DISC1: variants seen among roughly 807,000 people sequenced by gnomAD.
The protein encoded by DISC1 is disrupted in schizophrenia 1 protein.
Under a neutral mutation model 84.5 loss-of-function variants are expected in DISC1, and 57 were observed. The ratio of observed to expected loss-of-function variants is 0.67; its 90% CI spans 0.55 to 0.84. DISC1 has a LOEUF of 0.84. Ranked by LOEUF, DISC1 falls within the 40% of genes least tolerant of loss-of-function variation. DISC1 has a pLI of 0.00. For missense variants in DISC1, 1,000 were observed against 1,057.8 expected, an observed-to-expected ratio of 0.95 and a Z score of 0.76; for synonymous variants, 411 against 415.2, an observed-to-expected ratio of 0.99 and a Z score of 0.12.
intron 4 of DISC1, among the ~76,000 whole-genome samples, chr1:231,764,093 T>C (rs2075985369): frequency 6.6e-6 from 1 of 152,212 alleles, no homozygotes; most frequent in Non-Finnish European, 1.5e-5. Flanking sequence ...GCAGACAAGA[T>C]CTAGCTGTGT....
rs5781677 is a variant in DISC1, at chr1:231,906,019, C to CTTTTT, written c.1982-52792_1982-52788dup. Among the ~76,000 whole-genome samples, 6 of 76,970 alleles carry CTTTTT rather than the reference C, an allele frequency of 7.8e-5. 1 individual carries two copies. Among genetic ancestry groups the CTTTTT allele is most frequent in the Admixed American group, 1.7e-4 (1 of 5,724 alleles). The allele number at this position is 76,970 out of a possible 152,430, so 50.5% of individuals were successfully genotyped here. On this transcript the variant is annotated intron_variant, in intron 9 of 12. Transcript: ENST00000439617. ...TAAAATGAATTCGCTGAGGTCATGG[C>CTTTTT]TTTTTTTTTTTTTTTTTTTTTGAGA...
chr1:231,725,239 T>C (rs2070460420), intron 3 of DISC1, among the ~76,000 whole-genome samples: 1 of 152,186 alleles, frequency 6.6e-6, no homozygotes, highest in African/African-American at 2.4e-5. Flanking sequence ...CATCCTGGAA[T>C]AATGGTGGTG....
At chr1:232,005,046 T>C (rs1167162403) in intron 10 of DISC1, among the ~76,000 whole-genome samples, 1 of 108,410 alleles carries the variant, frequency 9.2e-6, no homozygotes, top group African/African-American at 3.7e-5. Flanking sequence ...CCCTCCATCC[T>C]TCCTTCCTTC....
chr1:231,932,847 A>G (rs200655133), intron 9 of DISC1, among the ~76,000 whole-genome samples: 2 of 152,126 alleles, frequency 1.3e-5, no homozygotes, highest in East Asian at 3.9e-4. Flanking sequence ...AAAATTCAAA[A>G]TTTTTGGTCT....
chr1:231,903,967 G>A (rs1006583066), intron 9 of DISC1, among the ~76,000 whole-genome samples: 8 of 152,224 alleles, frequency 5.3e-5, no homozygotes, highest in Non-Finnish European at 2.9e-5. Context: ...AACTGCAAAA[G>A]CAGTTACTGC....
Position 231,954,765 on chromosome 1 carries a change from G to A in DISC1, c.1982-4063G>A, listed in dbSNP as rs945444145. Among the ~76,000 whole-genome samples the A allele has an allele frequency of 6.6e-6, 1 of 152,238 alleles. No individual in the cohort carries two copies. Among genetic ancestry groups the A allele is most frequent in the African/African-American group, 2.4e-5 (1 of 41,468 alleles). ...CCGTCAGCGTGTCTGTGGCTGTATT[G>A]ATTCGGAAGTTTAAAATCTAAACTC... On this transcript the variant is annotated intron_variant, in intron 9 of 12. Transcript: ENST00000439617. This position sits in a 1 kb window ranked among gnomAD's most constrained non-coding sequence, Gnocchi z 4.8.
intron 6 of DISC1, among the ~76,000 whole-genome samples, chr1:231,788,515 A>G (rs4385690): frequency 0.8 from 121,402 of 152,070 alleles, 48,905 homozygotes; most frequent in African/African-American, 0.9. Flanking sequence ...CATTTGCAAC[A>G]ACCCTATTTC....
chr1:231,773,654 G>T (rs2076733124), intron 6 of DISC1, among the ~76,000 whole-genome samples: 1 of 152,178 alleles, frequency 6.6e-6, no homozygotes, highest in African/African-American at 2.4e-5. Flanking sequence ...AAAGTGCTGA[G>T]ATTACAGGCG....
At chr1:231,716,435 A>AT (rs942560800) in intron 3 of DISC1, among the ~76,000 whole-genome samples, 7 of 151,748 alleles carry the variant, frequency 4.6e-5, no homozygotes, top group East Asian at 1.9e-4. Context: ...ATGGCAAACT[A>AT]TTTTTTTTAT....
At chr1:231,970,734 T>G (rs764067507) in intron 10 of DISC1, among the ~76,000 whole-genome samples, 1 of 152,242 alleles carries the variant, frequency 6.6e-6, no homozygotes, top group Admixed American at 6.5e-5. Flanking sequence ...CAGGTTCCAC[T>G]GTGGTTTGCG....
At chr1:231,785,985 T>C (rs1298301531) in intron 6 of DISC1, among the ~76,000 whole-genome samples, 3 of 152,206 alleles carry the variant, frequency 2.0e-5, no homozygotes, top group Non-Finnish European at 4.4e-5. Context: ...CTATTTTATA[T>C]TTCTAATATC....
At chr1:231,920,916 T>C (rs2089957720) in intron 9 of DISC1, among the ~76,000 whole-genome samples, 1 of 150,060 alleles carries the variant, frequency 6.7e-6, no homozygotes. Flanking sequence ...TTTTTTTTTT[T>C]TTTTTTTTGA....
chr1:231,803,128 A>G (rs2079407633), intron 8 of DISC1, among the ~76,000 whole-genome samples: 1 of 152,152 alleles, frequency 6.6e-6, no homozygotes, highest in Non-Finnish European at 1.5e-5. Flanking sequence ...GGGTGGCTCA[A>G]CTGGGGTGGG....
At chr1:231,790,529 T>C (rs978512031) in intron 6 of DISC1, among the ~76,000 whole-genome samples, 1 of 152,056 alleles carries the variant, frequency 6.6e-6, no homozygotes, top group Non-Finnish European at 1.5e-5. Flanking sequence ...TCTTTTCTTT[T>C]TTTTTTCAAG....
chr1:231,915,738 G>A (rs1376888248), intron 9 of DISC1, among the ~76,000 whole-genome samples: 3 of 152,180 alleles, frequency 2.0e-5, no homozygotes, highest in Admixed American at 2.0e-4. Context: ...AGATCACACT[G>A]TTGCACTCCA....
chr1:232,028,345 T>A (rs1370829164), intron 12 of DISC1, among the ~76,000 whole-genome samples: 1 of 152,142 alleles, frequency 6.6e-6, no homozygotes, highest in African/African-American at 2.4e-5. Flanking sequence ...AGGGCTGCAG[T>A]CAGGGTTCTG....
At chr1:231,744,370 C>T (rs115390993) in intron 3 of DISC1, among the ~76,000 whole-genome samples, 2,126 of 152,266 alleles carry the variant, frequency 0.014, 48 homozygotes, top group African/African-American at 0.047. Context: ...TATCTTAAAA[C>T]CCAGTCCTTC....
At chr1:231,744,913 TG>T (rs2073794017) in intron 3 of DISC1, among the ~76,000 whole-genome samples, 2 of 152,140 alleles carry the variant, frequency 1.3e-5, no homozygotes, top group Non-Finnish European at 1.5e-5. Context: ...AATGTTTCCA[TG>T]TAAAAGAAAT....
At position 231,973,310 on chromosome 1, in the gene DISC1, T is replaced by C. The variant is rs145745284; in HGVS notation, c.2042+14422T>C. ...ATCAGCCTGCCTTGGCCTCCCAAAG[T>C]GCTGGGATTATAGGCGTGAGCCACC... On this transcript the variant is annotated intron_variant, in intron 10 of 12. Coordinates refer to ENST00000439617, the MANE Select transcript of DISC1 (RefSeq NM_018662.3). Among the ~76,000 whole-genome samples the C allele has an allele frequency of 6.0e-3, 913 of 152,286 alleles. 6 individuals carry two copies. Among genetic ancestry groups the C allele is most frequent in the Middle Eastern group, 0.014 (4 of 294 alleles).
Sources: allele counts gnomAD v4.1 joint callset (sites outside exome capture counted in the v4.1 genomes callset), GRCh38; gene constraint gnomAD v4.1.1; non-coding constraint Gnocchi (gnomAD v3.1); transcripts MANE v1.5; gene names NCBI Gene and HGNC (gene_info 2026-07-23, HGNC 2026-07-21).